DMD: variants seen among roughly 807,000 people sequenced by gnomAD.
DMD encodes the protein dystrophin.
A neutral mutation model predicts 330.1 loss-of-function variants in DMD; 63 were observed. The ratio of observed to expected loss-of-function variants is 0.19; its 90% CI spans 0.16 to 0.24. DMD has a LOEUF of 0.24. Among genes scored for constraint, DMD ranks in the 10% least tolerant of loss-of-function variants. The pLI is 1.00. For missense variants in DMD, 3,344 were observed against 2,684.1 expected, an observed-to-expected ratio of 1.25 and a Z score of -5.43; for synonymous variants, 1,223 against 959.8, an observed-to-expected ratio of 1.27 and a Z score of -5.07.
chrX:33,130,821 G>A (rs1219212598), intron 1 of DMD, among the ~76,000 whole-genome samples: 3 of 111,628 alleles, frequency 2.7e-5, no homozygotes, highest in Non-Finnish European at 5.6e-5. Flanking sequence ...AAAGTGCTGG[G>A]ATTACAGGCG....
intron 25 of DMD, among the ~76,000 whole-genome samples, chrX:32,462,935 G>A (rs1046696490): frequency 9.0e-6 from 1 of 111,084 alleles, no homozygotes; most frequent in Admixed American, 9.6e-5. Context: ...ACTCCAGCCT[G>A]GGTGACAGAG....
intron 1 of DMD, among the ~76,000 whole-genome samples, chrX:33,148,533 G>A (rs779339769): frequency 3.6e-5 from 4 of 111,707 alleles, no homozygotes; most frequent in East Asian, 5.6e-4. Context: ...GTTAGAGAAC[G>A]AACAAGAATG....
rs779431198 is a variant in DMD, at chrX:32,672,676, G to A, written c.960+25194C>T. ...AACATGACTTAACATGTTCCAACCAGAAGGTGTCCAGAGTTCTGCTTGACT... is the reference window on the plus strand; with the variant it reads ...AACATGACTTAACATGTTCCAACCAAAAGGTGTCCAGAGTTCTGCTTGACT... On this transcript the variant is annotated intron_variant, in intron 9 of 78. Transcript: ENST00000357033. 2.7e-5 allele frequency among the ~76,000 whole-genome samples: 3 copies of A among 110,449 alleles called. No homozygotes were observed. In the South Asian group the frequency reaches 1.1e-3, roughly 42 times the overall value.
At chrX:31,124,147 C>A (rs1034509941) in intron 78 of DMD, among the ~76,000 whole-genome samples, 3 of 111,956 alleles carry the variant, frequency 2.7e-5, no homozygotes, top group African/African-American at 9.7e-5. Context: ...TGGCCTTTAA[C>A]CGGTTTACAC....
chrX:32,413,203 T>G lies in DMD; in HGVS notation c.4072-1290A>C, dbSNP rs192069425. On this transcript the variant is annotated intron_variant, in intron 29 of 78. Coordinates refer to ENST00000357033, the MANE Select transcript of DMD (RefSeq NM_004006.3). ...CAGATCTCCCCTTGATCTCCATACT[T>G]GCATGTTATCTCACCCTATTGGACA... 2.7e-3 allele frequency among the ~76,000 whole-genome samples: 300 copies of G among 110,881 alleles called. 1 individual carries two copies. The highest frequency in any genetic ancestry group is 9.5e-3 in the African/African-American group (289 of 30,490).
In DMD at chrX:32,710,404, G is replaced by A. The variant is rs944636288; in HGVS notation, c.650-11111C>T. Among the ~76,000 whole-genome samples the A allele has an allele frequency of 2.7e-5, 3 of 110,850 alleles. No individual in the cohort carries two copies. The Admixed American group carries it at 2.9e-4, about 11-fold the overall frequency. ...TTCCAAAAATAAGACTTGATTTGAA[G>A]AACATCTCATGCTCTAGAAACTGTA... On this transcript the variant is annotated intron_variant, in intron 7 of 78. Transcript: ENST00000357033.
intron 45 of DMD, among the ~76,000 whole-genome samples, chrX:31,940,580 C>G (rs1420298727): frequency 9.0e-6 from 1 of 111,572 alleles, no homozygotes; most frequent in African/African-American, 3.3e-5. Context: ...CCTGGGCCCC[C>G]CTGATCCACC....
chrX:31,907,391 G>A (rs999296611), intron 47 of DMD, among the ~76,000 whole-genome samples: 1 of 111,376 alleles, frequency 9.0e-6, no homozygotes, highest in African/African-American at 3.3e-5. Flanking sequence ...CAGAACGGAA[G>A]CCTCAGAAAT....
chrX:33,044,964 A>C (rs1471039282), intron 1 of DMD, among the ~76,000 whole-genome samples: 1 of 111,732 alleles, frequency 8.9e-6, no homozygotes. Context: ...AAGTTGTACT[A>C]TGCATGAATA....
chrX:32,057,602 A>G (rs922416363), intron 44 of DMD, among the ~76,000 whole-genome samples: 4 of 112,113 alleles, frequency 3.6e-5, no homozygotes, highest in Non-Finnish European at 7.5e-5. Context: ...TATTGTTGAA[A>G]GAAATTGAAG....
chrX:31,207,964 T>C (rs1308166404), intron 65 of DMD, among the ~76,000 whole-genome samples: 1 of 111,541 alleles, frequency 9.0e-6, no homozygotes, highest in Non-Finnish European at 1.9e-5. Context: ...TGAGTTTACC[T>C]ATGTAACAGA....
rs779873011 is a variant in DMD at position 32,484,960 on chromosome X, A to G, written c.2762T>C (p.Val921Ala). Reference sequence around the variant, plus strand: ...CTCTCTGGCCTGCACATCAGAAAAGACTTGCTTAAAATGATTTGTAAAGGC... The same window carrying G: ...CTCTCTGGCCTGCACATCAGAAAAGGCTTGCTTAAAATGATTTGTAAAGGC... ...FVAFTNHFKQVFSDVQAREKE... is the reference protein window; with the variant it reads ...FVAFTNHFKQAFSDVQAREKE... Residue 921 changes from valine (V) to alanine (A), a missense_variant, in exon 21 of 79, where the codon GTC becomes GCC. Transcript: ENST00000357033. 1.7e-6 allele frequency: 2 copies of G among 1,211,526 alleles called. No individual in the cohort carries two copies. The highest frequency in any genetic ancestry group is 3.5e-5 in the South Asian group (2 of 56,983).
intron 2 of DMD, among the ~76,000 whole-genome samples, chrX:32,952,702 C>A (rs1263223140): frequency 9.0e-6 from 1 of 111,497 alleles, no homozygotes; most frequent in Non-Finnish European, 1.9e-5. Context: ...TTTTTCAGGT[C>A]ATGGATTCTA....
At chrX:32,420,224 GA>G (rs2098184184) in intron 29 of DMD, among the ~76,000 whole-genome samples, 1 of 111,608 alleles carries the variant, frequency 9.0e-6, no homozygotes, top group South Asian at 3.8e-4. Context: ...ATAATTTATT[GA>G]TACAGGAAAT....
At chrX:33,329,992 A>G (rs983198443) in intron 1 of DMD, among the ~76,000 whole-genome samples, 1 of 111,305 alleles carries the variant, frequency 9.0e-6, no homozygotes, top group Non-Finnish European at 1.9e-5. Context: ...GTTGGGAGGA[A>G]TTTTTCTTTG....
At chrX:31,596,824 C>A (rs1475793114) in intron 55 of DMD, among the ~76,000 whole-genome samples, 1 of 112,004 alleles carries the variant, frequency 8.9e-6, no homozygotes, top group Admixed American at 9.5e-5. Context: ...CATCCTAGAG[C>A]CCTACTACTC....
intron 55 of DMD, among the ~76,000 whole-genome samples, chrX:31,553,648 T>C (rs1250764520): frequency 8.9e-6 from 1 of 112,410 alleles, no homozygotes; most frequent in Non-Finnish European, 1.9e-5. Context: ...AACAATCATA[T>C]AATCACGCCC....
At chrX:31,207,420 GA>G (rs1205211722) in intron 65 of DMD, among the ~76,000 whole-genome samples, 2 of 110,675 alleles carry the variant, frequency 1.8e-5, no homozygotes, top group Non-Finnish European at 3.8e-5. Context: ...ATCCATGGGG[GA>G]AAAAAAGGAA....
At chrX:32,121,620 CATAT>C (rs10535803) in intron 44 of DMD, among the ~76,000 whole-genome samples, 2,569 of 36,320 alleles carry the variant, frequency 0.071, 166 homozygotes, top group Middle Eastern at 0.13. Flanking sequence ...AATATGTGTG[CATAT>C]ATATATATAT....
Sources: allele counts gnomAD v4.1 joint callset (sites outside exome capture counted in the v4.1 genomes callset), GRCh38; gene constraint gnomAD v4.1.1; transcripts MANE v1.5; gene names NCBI Gene and HGNC (gene_info 2026-07-23, HGNC 2026-07-21).